Variants in TCERG1L observed in about 807,000 individuals in gnomAD.
The protein encoded by TCERG1L is transcription elongation regulator 1 like, also known as transcription elongation regulator 1-like protein.
A neutral mutation model predicts 56.3 loss-of-function variants in TCERG1L; 37 were observed. The ratio of observed to expected loss-of-function variants is 0.66; its 90% confidence interval spans 0.51 to 0.87. The LOEUF (loss-of-function observed/expected upper bound fraction) is 0.87, where lower values mean the gene tolerates loss of function less well. Ranked by LOEUF, TCERG1L falls within the 40% of genes least tolerant of loss-of-function variation. The probability of loss-of-function intolerance (pLI) is 0.00; values close to 1 mark genes in which losing one functional copy is unlikely to be tolerated. For missense variants in TCERG1L, 799 were observed against 774.2 expected, an observed-to-expected ratio of 1.03 and a Z score of -0.38; for synonymous variants, 324 against 326.3, an observed-to-expected ratio of 0.99 and a Z score of 0.08.
intron 7 of TCERG1L, among the ~76,000 whole-genome samples, chr10:131,142,280 A>G (rs56184113): frequency 0.13 from 19,567 of 151,878 alleles, 1,701 homozygotes; most frequent in Non-Finnish European, 0.2. Context: ...ACACTAGCTC[A>G]CCACCCTCCA....
intron 7 of TCERG1L, among the ~76,000 whole-genome samples, chr10:131,138,025 T>C (rs892819393): frequency 6.6e-6 from 1 of 152,106 alleles, no homozygotes; most frequent in African/African-American, 2.4e-5. Context: ...TCCCAGCACT[T>C]TGGGACGCAG....
At chr10:131,220,263 C>T (rs533683543) in intron 4 of TCERG1L, among the ~76,000 whole-genome samples, 7 of 152,314 alleles carry the variant, frequency 4.6e-5, no homozygotes, top group East Asian at 1.9e-4. Flanking sequence ...CCGCAGATGC[C>T]GTAGGTCAGG....
At chr10:131,214,668 C>A (rs764816821) in intron 4 of TCERG1L, among the ~76,000 whole-genome samples, 8 of 152,134 alleles carry the variant, frequency 5.3e-5, no homozygotes, top group Non-Finnish European at 8.8e-5. Flanking sequence ...GGATTTCCAG[C>A]GTTTCCACTT....
intron 2 of TCERG1L, 97 bp from the exon 3 acceptor site, chr10:131,308,488 A>C: frequency 1.0e-6 from 1 of 978,302 alleles, no homozygotes; most frequent in Non-Finnish European, 1.5e-6. Flanking sequence ...ACGTTGATCC[A>C]ACATTGAACA....
chr10:131,209,917 A>C (rs1417904665), intron 4 of TCERG1L, among the ~76,000 whole-genome samples: 5 of 152,218 alleles, frequency 3.3e-5, no homozygotes, highest in Admixed American at 1.3e-4. Context: ...CAAAATAGCA[A>C]GGTTACAAAT....
At chr10:131,153,326 T>G (rs1845884811) in intron 6 of TCERG1L, among the ~76,000 whole-genome samples, 1 of 152,120 alleles carries the variant, frequency 6.6e-6, no homozygotes, top group Non-Finnish European at 1.5e-5. Flanking sequence ...CAAAGCACCT[T>G]CACCAAAGGT....
intron 4 of TCERG1L, among the ~76,000 whole-genome samples, chr10:131,255,896 T>C (rs1263620140): frequency 6.6e-6 from 1 of 152,246 alleles, no homozygotes; most frequent in African/African-American, 2.4e-5. Flanking sequence ...CCAGCTCAGA[T>C]ACTTGTAGTT....
At chr10:131,227,796 AAT>A (rs1845808982) in intron 4 of TCERG1L, among the ~76,000 whole-genome samples, 1 of 151,984 alleles carries the variant, frequency 6.6e-6, no homozygotes, top group African/African-American at 2.4e-5. Context: ...ATCACTTATG[AAT>A]AGTGTTCTTT....
In TCERG1L at chr10:131,146,617, G is replaced by A. The variant is rs777329775; in HGVS notation, c.1078C>T (p.Pro360Ser). The change falls in exon 7 of 12, where the codon CCA becomes TCA. Residue 360 changes from proline to serine, a missense_variant. Physicochemically the swap from Pro to Ser is moderately conservative, Grantham distance 74. Coordinates refer to ENST00000368642, the MANE Select transcript of TCERG1L (RefSeq NM_174937.4). ...TGDDRVFFFN[P>S]TMHLSVWEKP... ...TCCCAGACAGACAGGTGCATCGTTG[G>A]GTTGAAGAAGAAAACTCGGTCATCG... is the stretch of plus-strand genomic sequence containing the variant. The A allele has an allele frequency of 1.9e-6, 3 of 1,613,628 alleles. No individual in the cohort carries two copies. The highest frequency in any genetic ancestry group is 2.5e-6 in the Non-Finnish European group (3 of 1,179,798).
chr10:131,210,173 C>A (rs1845601633), intron 4 of TCERG1L, among the ~76,000 whole-genome samples: 1 of 152,184 alleles, frequency 6.6e-6, no homozygotes, highest in African/African-American at 2.4e-5. Flanking sequence ...TTTGTTATTA[C>A]CATAACTTCA....
At chr10:131,116,153 A>G (rs868711375) in intron 9 of TCERG1L, among the ~76,000 whole-genome samples, 1 of 152,236 alleles carries the variant, frequency 6.6e-6, no homozygotes, top group South Asian at 2.1e-4. Context: ...AAAGCAGGAA[A>G]TGATAGTCAT....
At chr10:131,251,767 T>G (rs1349490609) in intron 4 of TCERG1L, among the ~76,000 whole-genome samples, 2 of 152,208 alleles carry the variant, frequency 1.3e-5, no homozygotes, top group Non-Finnish European at 2.9e-5. Flanking sequence ...TTGTTTTTAT[T>G]GTGGTAAAAT....
At chr10:131,295,260 C>T (rs139783002) in intron 3 of TCERG1L, among the ~76,000 whole-genome samples, 3 of 152,330 alleles carry the variant, frequency 2.0e-5, no homozygotes, top group East Asian at 1.9e-4. Flanking sequence ...CTACTACAAA[C>T]GTCTGTGTGC....
At chr10:131,154,993 G>C (rs1845904317) in intron 6 of TCERG1L, among the ~76,000 whole-genome samples, 1 of 152,212 alleles carries the variant, frequency 6.6e-6, no homozygotes, top group African/African-American at 2.4e-5. Flanking sequence ...GCTGGCGGCT[G>C]CTGCACAGTG....
chr10:131,108,860 C>T (rs1420448472), intron 9 of TCERG1L, among the ~76,000 whole-genome samples: 1 of 152,212 alleles, frequency 6.6e-6, no homozygotes, highest in South Asian at 2.1e-4. Context: ...ATGTCTTCAG[C>T]CAGCTAAGAG....
chr10:131,267,066 C>G lies in TCERG1L; in HGVS notation c.671-6622G>C, dbSNP rs537021657. Among the ~76,000 whole-genome samples the G allele has an allele frequency of 6.6e-6, 1 of 152,200 alleles. No individual in the cohort carries two copies. The highest frequency in any genetic ancestry group is 2.4e-5 in the African/African-American group (1 of 41,534). On this transcript the variant is annotated intron_variant, in intron 3 of 11. Transcript: ENST00000368642. This position sits in a 1 kb window ranked among gnomAD's most constrained non-coding sequence, Gnocchi z 4.9. ...CCTGAAGGTGCATCCTCATCTGGAA[C>G]CCACTCCTTCACACCCAGGAGCCCG...
intron 4 of TCERG1L, among the ~76,000 whole-genome samples, chr10:131,258,530 C>T (rs1389945345): frequency 6.6e-6 from 1 of 152,202 alleles, no homozygotes. Flanking sequence ...TGCTCATCAC[C>T]GGTCCAGACC....
rs941736822 is a variant in TCERG1L, at chr10:131,311,508, A to T, written c.128T>A (p.Val43Glu). The change falls in exon 1 of 12, where the codon GTG (valine) becomes GAG (glutamate). Residue 43 changes from valine to glutamate, a missense_variant. By Grantham distance (121) the Val-to-Glu change is moderately radical. Transcript: ENST00000368642. The surrounding 1 kb of genome is among the most constrained non-coding windows in gnomAD (Gnocchi z 4.0). ...CCGGAGCAGCCCGGCCGAGCCCGGC[A>T]CCATCCAGACCCAGGGCGGCGGCGG... ...PPPPPPWVWM[V>E]PGSAGLLRLS... 4.2e-6 allele frequency: 5 copies of T among 1,201,412 alleles called. No homozygotes were observed. The African/African-American group carries it at 8.1e-5, about 20-fold the overall frequency. 74.4% of individuals were successfully genotyped at this position (1,201,412 alleles called of 1,614,324 possible).
chr10:131,165,995 T>C (rs1846027015), intron 5 of TCERG1L, among the ~76,000 whole-genome samples: 1 of 152,174 alleles, frequency 6.6e-6, no homozygotes, highest in Non-Finnish European at 1.5e-5. Context: ...TCTGGAAAAA[T>C]TGGGAAAATC....
Sources: gnomAD v4.1 joint callset for allele counts (sites outside exome capture counted in the v4.1 genomes callset) on GRCh38, gnomAD v4.1.1 for gene constraint, Gnocchi (gnomAD v3.1) non-coding constraint, MANE v1.5 for transcripts, NCBI Gene and HGNC (gene_info 2026-07-23, HGNC 2026-07-21) for gene names.